Variants in KCNC2 observed in about 807,000 individuals in gnomAD.
KCNC2 encodes the protein voltage-gated potassium channel KCNC2.
Under a neutral mutation model 44.5 loss-of-function variants are expected in KCNC2, and 21 were observed. The observed-to-expected ratio is 0.47, with a 90% CI of 0.33 to 0.68. The LOEUF is 0.68. Ranked by LOEUF, KCNC2 falls within the 30% of genes least tolerant of loss-of-function variation. KCNC2 has a pLI of 0.01. For synonymous variants in KCNC2, 391 were observed against 339.1 expected, an observed-to-expected ratio of 1.15 and a Z score of -1.68; for missense variants, 589 against 826.2, an observed-to-expected ratio of 0.71 and a Z score of 3.52.
At chr12:75,077,379 A>G (rs1884090828) in intron 2 of KCNC2, among the ~76,000 whole-genome samples, 1 of 152,184 alleles carries the variant, frequency 6.6e-6, no homozygotes, top group Non-Finnish European at 1.5e-5. Context: ...CTCATACAAT[A>G]ATTACGTTCC....
chr12:75,074,801 G>A (rs1330882462), intron 2 of KCNC2, among the ~76,000 whole-genome samples: 1 of 152,174 alleles, frequency 6.6e-6, no homozygotes, highest in Non-Finnish European at 1.5e-5. Flanking sequence ...AACACCTGAA[G>A]TGCTGGACAA....
Position 75,117,318 on chromosome 12 carries a change from C to T in KCNC2, c.688-66001G>A, listed in dbSNP as rs905951119. Among the ~76,000 whole-genome samples the T allele has an allele frequency of 2.6e-5, 4 of 152,126 alleles. No homozygotes were observed. The East Asian group carries it at 5.8e-4, about 22-fold the overall frequency. ...CAAGCTGCACTGTCAACAGGCTGGTCCTGCATTTCTTTTATTATCTTGACT... is the reference window on the plus strand; with the variant it reads ...CAAGCTGCACTGTCAACAGGCTGGTTCTGCATTTCTTTTATTATCTTGACT... On this transcript the variant is annotated intron_variant, in intron 2 of 4. Coordinates refer to ENST00000549446, the MANE Select transcript of KCNC2 (RefSeq NM_139137.4).
intron 2 of KCNC2, among the ~76,000 whole-genome samples, chr12:75,149,169 GT>G (rs1357784703): frequency 6.6e-6 from 1 of 151,648 alleles, no homozygotes; most frequent in Non-Finnish European, 1.5e-5. Flanking sequence ...AAAGTTAATG[GT>G]TTGGAAAAGT....
In KCNC2 at chr12:75,207,816, C is replaced by A. The variant is rs368390147; in HGVS notation, c.168G>T (p.Pro56=). 1.2e-6 allele frequency: 2 copies of A among 1,604,606 alleles called. No individual in the cohort carries two copies. Among genetic ancestry groups the A allele is most frequent in the African/African-American group, 1.3e-5 (1 of 74,208 alleles). Residue 56 remains proline, a synonymous_variant, in exon 2 of 5, where the codon CCG becomes CCT. Coordinates refer to ENST00000549446, the MANE Select transcript of KCNC2 (RefSeq NM_139137.4). This position sits in a 1 kb window ranked among gnomAD's most constrained non-coding sequence, Gnocchi z 4.1. ...CLTTAGDKLQ[P]SPPPLSPPPR... is the part of the protein sequence containing the mutation. Reference sequence around the variant, plus strand: ...GCGGCGGCGACAGTGGAGGCGGCGACGGCTGCAGCTTGTCGCCCGCCGTGG... The same window carrying A: ...GCGGCGGCGACAGTGGAGGCGGCGAAGGCTGCAGCTTGTCGCCCGCCGTGG...
intron 3 of KCNC2, among the ~76,000 whole-genome samples, chr12:75,049,995 C>A (rs1880992699): frequency 6.6e-6 from 1 of 151,890 alleles, no homozygotes; most frequent in African/African-American, 2.4e-5. Context: ...AAAACTGAGA[C>A]AAACACACCA....
intron 2 of KCNC2, among the ~76,000 whole-genome samples, chr12:75,112,494 T>C (rs977072174): frequency 1.3e-5 from 2 of 152,008 alleles, no homozygotes; most frequent in Non-Finnish European, 2.9e-5. Context: ...TTTTATTTTA[T>C]CTTATCTAAA....
At chr12:75,089,441 T>C (rs1208638208) in intron 2 of KCNC2, among the ~76,000 whole-genome samples, 1 of 152,016 alleles carries the variant, frequency 6.6e-6, no homozygotes, top group African/African-American at 2.4e-5. Context: ...AATTGGGCTC[T>C]TCTTTGAAAG....
intron 2 of KCNC2, among the ~76,000 whole-genome samples, chr12:75,138,863 C>T (rs913109586): frequency 2.0e-5 from 3 of 151,650 alleles, no homozygotes; most frequent in Non-Finnish European, 4.4e-5. Context: ...CGCCTGTAGT[C>T]CCAGCTACTC....
chr12:75,076,460 G>C (rs1372907709), intron 2 of KCNC2, among the ~76,000 whole-genome samples: 1 of 152,018 alleles, frequency 6.6e-6, no homozygotes, highest in East Asian at 1.9e-4. Context: ...TTTTAGTAGA[G>C]ATAGGTTTTC....
chr12:75,109,278 C>T (rs1027223939), intron 2 of KCNC2, among the ~76,000 whole-genome samples: 7 of 152,100 alleles, frequency 4.6e-5, no homozygotes, highest in Non-Finnish European at 8.8e-5. Context: ...AACTTTAATG[C>T]CCCCATCATC....
chr12:75,095,780 T>C (rs1885870819), intron 2 of KCNC2, among the ~76,000 whole-genome samples: 1 of 151,932 alleles, frequency 6.6e-6, no homozygotes, highest in East Asian at 1.9e-4. Flanking sequence ...ATAAATTTTA[T>C]TAATCATGTT....
chr12:75,040,924 C>T lies in KCNC2; in HGVS notation c.*2181G>A. 1 of 580,286 alleles carries T rather than the reference C, an allele frequency of 1.7e-6. No homozygotes were observed. The highest frequency in any genetic ancestry group is 3.1e-6 in the Non-Finnish European group (1 of 324,808). 35.9% of individuals were successfully genotyped at this position (580,286 alleles called of 1,614,324 possible). A position where few individuals can be genotyped will look rare whatever the true frequency, so the allele number is the denominator to read the frequency against. On this transcript the variant is annotated 3_prime_UTR_variant, in exon 5 of 5. Coordinates refer to ENST00000549446, the MANE Select transcript of KCNC2 (RefSeq NM_139137.4). ...TTCTTTTGATGAGAAATGGCCAAGA[C>T]TGTTGACCCATGCACACATGTTGGT...
intron 2 of KCNC2, among the ~76,000 whole-genome samples, chr12:75,161,557 C>A (rs565478657): frequency 2.0e-5 from 3 of 151,762 alleles, no homozygotes; most frequent in East Asian, 2.0e-4. Flanking sequence ...AATAAGAGAA[C>A]TTTATTGCCA....
intron 2 of KCNC2, among the ~76,000 whole-genome samples, chr12:75,139,839 GC>G (rs1356194287): frequency 6.6e-6 from 1 of 152,068 alleles, no homozygotes; most frequent in Non-Finnish European, 1.5e-5. Context: ...AAGTATTGCA[GC>G]GGAAGAAAAA....
intron 2 of KCNC2, among the ~76,000 whole-genome samples, chr12:75,172,175 T>C (rs1254696153): frequency 6.6e-6 from 1 of 151,864 alleles, no homozygotes; most frequent in African/African-American, 2.4e-5. Context: ...TTTGGCATCC[T>C]GACATTAATG....
chr12:75,048,147 G>A lies in KCNC2; in HGVS notation c.1780+6C>T, dbSNP rs770879257. 8 of 1,611,118 alleles carry A rather than the reference G, an allele frequency of 5.0e-6. No homozygotes were observed. The African/African-American group carries it at 9.4e-5, about 19-fold the overall frequency. ...CCTGTTATGATCTGATTAAATGCAT[G>A]CCTACCTTTCCTGATCCCTCCATCA... On this transcript the variant is annotated splice_donor_region_variant and intron_variant, in intron 4 of 4. Transcript: ENST00000549446.
chr12:75,147,646 T>A (rs1182364784), intron 2 of KCNC2, among the ~76,000 whole-genome samples: 3 of 152,170 alleles, frequency 2.0e-5, no homozygotes, highest in African/African-American at 7.2e-5. Flanking sequence ...GTGTCATTCC[T>A]GCAAGACGAA....
At chr12:75,152,543 T>C (rs1890477318) in intron 2 of KCNC2, among the ~76,000 whole-genome samples, 2 of 151,958 alleles carry the variant, frequency 1.3e-5, no homozygotes, top group South Asian at 4.1e-4. Flanking sequence ...TTTTTATTTA[T>C]ATCCTTCAAG....
chr12:75,113,198 C>T (rs1401450243), intron 2 of KCNC2, among the ~76,000 whole-genome samples: 2 of 152,080 alleles, frequency 1.3e-5, no homozygotes, highest in East Asian at 3.9e-4. Context: ...AAGATATATA[C>T]ATAATGGGGT....
Sources: allele counts gnomAD v4.1 joint callset (sites outside exome capture counted in the v4.1 genomes callset), GRCh38; gene constraint gnomAD v4.1.1; non-coding constraint Gnocchi (gnomAD v3.1); transcripts MANE v1.5; gene names NCBI Gene and HGNC (gene_info 2026-07-23, HGNC 2026-07-21).